Variants in GRIA2 observed in about 807,000 individuals in gnomAD.
GRIA2 encodes glutamate receptor 2.
In GRIA2, 14 loss-of-function variants were observed where a neutral mutation model predicts 97.3. The ratio of observed to expected loss-of-function variants is 0.14; its 90% CI spans 0.10 to 0.23. GRIA2 has a LOEUF of 0.23. Among genes scored for constraint, GRIA2 ranks in the 10% least tolerant of loss-of-function variants. GRIA2 has a pLI of 1.00. For missense variants in GRIA2, 558 were observed against 1,069.8 expected (o/e 0.52, Z 6.67); for synonymous variants, 412 against 387.8 (o/e 1.06, Z -0.73).
chr4:157,227,902 C>T (rs1271176696), intron 2 of GRIA2, among the ~76,000 whole-genome samples: 2 of 151,946 alleles, frequency 1.3e-5, no homozygotes. Context: ...AATGTTCAAA[C>T]ATCAAAATGT....
intron 12 of GRIA2, among the ~76,000 whole-genome samples, chr4:157,342,932 A>T (rs551591678): frequency 1.1e-4 from 16 of 152,222 alleles, no homozygotes; most frequent in African/African-American, 3.9e-4. Flanking sequence ...ACACATTCAC[A>T]TTCACAAAGC....
intron 12 of GRIA2, among the ~76,000 whole-genome samples, chr4:157,357,766 A>T (rs1452389443): frequency 1.3e-5 from 2 of 152,140 alleles, no homozygotes; most frequent in East Asian, 3.9e-4. Context: ...AACAGCTGAG[A>T]CGAAAGTAGC....
intron 12 of GRIA2, among the ~76,000 whole-genome samples, chr4:157,354,224 GT>G (rs1736147274): frequency 6.6e-6 from 1 of 152,120 alleles, no homozygotes; most frequent in Non-Finnish European, 1.5e-5. Flanking sequence ...ATATGATGTA[GT>G]TTTTGTGTAA....
Position 157,361,197 on chromosome 4 carries a change from G to T in GRIA2, c.2406+73G>T. The T allele has an allele frequency of 8.7e-7, 1 of 1,150,368 alleles. No homozygotes were observed. The allele number at this position is 1,150,368 out of a possible 1,614,324, so 71.3% of individuals were successfully genotyped here. A position where few individuals can be genotyped will look rare whatever the true frequency, so the allele number is the denominator to read the frequency against. On this transcript the variant is annotated intron_variant, in intron 14 of 15. Transcript: ENST00000264426. The surrounding 1 kb of genome is among the most constrained non-coding windows in gnomAD (Gnocchi z 5.2). ...TAAGCAGCAGCTATGCACAGTGTGGGCACTCCGTGCCACCAAGTTTCCAAC... is the reference window on the plus strand; with the variant it reads ...TAAGCAGCAGCTATGCACAGTGTGGTCACTCCGTGCCACCAAGTTTCCAAC...
chr4:157,285,418 A>G (rs1732792796), intron 2 of GRIA2, among the ~76,000 whole-genome samples: 1 of 151,514 alleles, frequency 6.6e-6, no homozygotes, highest in African/African-American at 2.4e-5. Context: ...GAATTTATAA[A>G]TTTTTTATGG....
chr4:157,310,981 A>G (rs1476563808), intron 3 of GRIA2, among the ~76,000 whole-genome samples: 1 of 152,052 alleles, frequency 6.6e-6, no homozygotes, highest in Non-Finnish European at 1.5e-5. Context: ...ATTTGGAGAC[A>G]TATCTCTGTT....
chr4:157,248,737 G>GTA lies in GRIA2; in HGVS notation c.229+26941_229+26942dup, dbSNP rs767899255. Among the ~76,000 whole-genome samples the GTA allele has an allele frequency of 6.2e-4, 81 of 129,862 alleles. No homozygotes were observed. In the East Asian group the frequency reaches 9.2e-3, roughly 15 times the overall value. 85.2% of individuals were successfully genotyped at this position (129,862 alleles called of 152,430 possible). Reference sequence around the variant, plus strand: ...TACACATATGTGTATATACACGTATGTATATATATATACCGACCATGGCAG... The same window carrying GTA: ...TACACATATGTGTATATACACGTATGTATATATATATATACCGACCATGGCAG... On this transcript the variant is annotated intron_variant, in intron 2 of 15. Coordinates refer to ENST00000264426, the MANE Select transcript of GRIA2 (RefSeq NM_001083619.3).
At chr4:157,246,113 A>G (rs1166341240) in intron 2 of GRIA2, among the ~76,000 whole-genome samples, 1 of 152,148 alleles carries the variant, frequency 6.6e-6, no homozygotes. Context: ...CATAGTGAAT[A>G]CATTCCAGTA....
intron 2 of GRIA2, among the ~76,000 whole-genome samples, chr4:157,226,691 G>A (rs1461935746): frequency 2.1e-4 from 32 of 152,056 alleles, no homozygotes; most frequent in Admixed American, 2.1e-3. Flanking sequence ...CAATTATAGA[G>A]TGTAAATAGT....
Position 157,359,910 on chromosome 4 carries a change from A to G in GRIA2, c.2058A>G (p.Ala686=), listed in dbSNP as rs2126998471. 6.2e-7 allele frequency: 1 copy of G among 1,613,632 alleles called. No homozygotes were observed. The stretch of plus-strand genomic sequence containing the variant: ...TTTTCCTGCAGAGATCTAAAATTGC[A>G]GTGTTTGATAAAATGTGGACCTACA... ...TKEFFRRSKI[A]VFDKMWTYMR... is the part of the protein sequence containing the mutation. Residue 686 remains alanine, a synonymous_variant, in exon 13 of 16, where the codon GCA becomes GCG. Coordinates refer to ENST00000264426, the MANE Select transcript of GRIA2 (RefSeq NM_001083619.3).
chr4:157,296,469 T>C (rs904907730), intron 2 of GRIA2, among the ~76,000 whole-genome samples: 1 of 152,154 alleles, frequency 6.6e-6, no homozygotes, highest in Non-Finnish European at 1.5e-5. Flanking sequence ...TTGCAGAGAA[T>C]ACAAAAATTA....
chr4:157,339,197 G>T (rs544363461), intron 11 of GRIA2, among the ~76,000 whole-genome samples: 10 of 151,936 alleles, frequency 6.6e-5, no homozygotes, highest in African/African-American at 2.2e-4. Flanking sequence ...TTTGCTTCTG[G>T]ATTGTCCCCA....
chr4:157,296,636 T>C (rs943333767), intron 2 of GRIA2, among the ~76,000 whole-genome samples: 1 of 152,068 alleles, frequency 6.6e-6, no homozygotes, highest in Non-Finnish European at 1.5e-5. Flanking sequence ...GAAGCATGCT[T>C]AAGATCAGAG....
intron 12 of GRIA2, among the ~76,000 whole-genome samples, chr4:157,352,927 C>T (rs765758602): frequency 6.2e-4 from 93 of 150,056 alleles, no homozygotes; most frequent in Non-Finnish European, 1.1e-3. Flanking sequence ...GGCGTGTTGG[C>T]GGGCGCCTGT....
chr4:157,311,179 A>G (rs1734064677), intron 3 of GRIA2, among the ~76,000 whole-genome samples: 1 of 152,056 alleles, frequency 6.6e-6, no homozygotes, highest in Non-Finnish European at 1.5e-5. Context: ...GAAATGCAGG[A>G]AAATGCTTGT....
intron 4 of GRIA2, among the ~76,000 whole-genome samples, chr4:157,315,791 G>T (rs1734292500): frequency 1.3e-5 from 2 of 151,982 alleles, no homozygotes; most frequent in African/African-American, 4.8e-5. Flanking sequence ...TGCCCGCCTT[G>T]GCCTCCCAAA....
chr4:157,235,413 T>A (rs1380772259), intron 2 of GRIA2, among the ~76,000 whole-genome samples: 4 of 152,092 alleles, frequency 2.6e-5, no homozygotes, highest in Non-Finnish European at 4.4e-5. Context: ...GCTAGATGAT[T>A]TTATGATTAC....
chr4:157,267,286 T>TC (rs1731814357), intron 2 of GRIA2, among the ~76,000 whole-genome samples: 1 of 148,340 alleles, frequency 6.7e-6, no homozygotes, highest in Non-Finnish European at 1.5e-5. Context: ...TAACCAGGCA[T>TC]AGTGGTGCAT....
At chr4:157,258,049 A>G (rs1314464451) in intron 2 of GRIA2, among the ~76,000 whole-genome samples, 1 of 152,062 alleles carries the variant, frequency 6.6e-6, no homozygotes, top group Non-Finnish European at 1.5e-5. Context: ...TTAATCTCTT[A>G]ATCCCGTCAT....
Sources: gnomAD v4.1 joint callset for allele counts (sites outside exome capture counted in the v4.1 genomes callset) on GRCh38, gnomAD v4.1.1 for gene constraint, Gnocchi (gnomAD v3.1) non-coding constraint, MANE v1.5 for transcripts, NCBI Gene and HGNC (gene_info 2026-07-23, HGNC 2026-07-21) for gene names.